The following RERE variants were observed in gnomAD, a reference collection of about 807,000 sequenced individuals.
The protein encoded by RERE is arginine-glutamic acid dipeptide repeats.
In RERE, 40 loss-of-function variants were observed where a neutral mutation model predicts 146.1. The ratio of observed to expected loss-of-function variants is 0.27; its 90% CI spans 0.21 to 0.36. RERE has a LOEUF of 0.36. RERE is among the 10% of genes least tolerant of loss of function. RERE has a pLI of 1.00. For missense variants in RERE, 1,933 were observed against 2,138.7 expected (o/e 0.90, Z 1.90); for synonymous variants, 1,003 against 866.0 (o/e 1.16, Z -2.78).
chr1:8,567,344 A>G (rs1646165420), intron 4 of RERE, among the ~76,000 whole-genome samples: 1 of 152,230 alleles, frequency 6.6e-6, no homozygotes, highest in South Asian at 2.1e-4. Context: ...AATGGTAGGA[A>G]GGCAGATGAC....
intron 4 of RERE, among the ~76,000 whole-genome samples, chr1:8,595,692 T>C (rs1222693845): frequency 6.6e-6 from 1 of 152,170 alleles, no homozygotes; most frequent in Admixed American, 6.5e-5. Flanking sequence ...TAAAGATCAT[T>C]AGTAAAAATG....
intron 1 of RERE, among the ~76,000 whole-genome samples, chr1:8,797,127 A>G (rs1641491026): frequency 6.6e-6 from 1 of 152,146 alleles, no homozygotes; most frequent in Non-Finnish European, 1.5e-5. Flanking sequence ...TCATCCCAGC[A>G]CTTTGGGAGC....
chr1:8,491,966 G>A (rs1041159074), intron 10 of RERE, among the ~76,000 whole-genome samples: 3 of 151,892 alleles, frequency 2.0e-5, no homozygotes, highest in Admixed American at 1.3e-4. Context: ...ATTACTCTAG[G>A]GAAGTAAAAA....
chr1:8,664,053 T>C (rs1288456115), intron 1 of RERE, among the ~76,000 whole-genome samples: 1 of 152,146 alleles, frequency 6.6e-6, no homozygotes, highest in Non-Finnish European at 1.5e-5. Flanking sequence ...AGTTGTTAAC[T>C]TACATCACTT....
intron 1 of RERE, among the ~76,000 whole-genome samples, chr1:8,755,496 T>G (rs1640623253): frequency 6.6e-6 from 1 of 152,162 alleles, no homozygotes; most frequent in Admixed American, 6.5e-5. Flanking sequence ...CCACGAAAAT[T>G]TGTATACAAA....
intron 9 of RERE, among the ~76,000 whole-genome samples, chr1:8,496,092 G>A (rs1346730969): frequency 6.7e-6 from 1 of 150,100 alleles, no homozygotes; most frequent in African/African-American, 2.5e-5. Context: ...GAGCCCAGGA[G>A]GTTAAGGCTG....
At chr1:8,613,796 G>A (rs775687573) in intron 4 of RERE, among the ~76,000 whole-genome samples, 1 of 151,868 alleles carries the variant, frequency 6.6e-6, no homozygotes, top group South Asian at 2.1e-4. Context: ...ATAAATACTC[G>A]ACTTTCAGAA....
At position 8,423,484 on chromosome 1, in the gene RERE, G is replaced by A. The variant is rs1344744461; in HGVS notation, c.1204-677C>T. 3 of 947,846 alleles carry A rather than the reference G, an allele frequency of 3.2e-6. No homozygotes were observed. Among genetic ancestry groups the A allele is most frequent in the Admixed American group, 6.2e-5 (1 of 16,214 alleles). The allele number at this position is 947,846 out of a possible 1,614,324, so 58.7% of individuals were successfully genotyped here. ...GACTCGTCCCTAACCCCAGCCCGGAGACTTTCACTTTGTCCCATGCCTCCC... is the reference window on the plus strand; with the variant it reads ...GACTCGTCCCTAACCCCAGCCCGGAAACTTTCACTTTGTCCCATGCCTCCC... On this transcript the variant is annotated intron_variant, in intron 11 of 22. Coordinates refer to ENST00000400908, the MANE Select transcript of RERE (RefSeq NM_001042681.2). This position sits in a 1 kb window ranked among gnomAD's most constrained non-coding sequence, Gnocchi z 5.4.
In RERE at chr1:8,423,018, C is replaced by T. The variant is rs559515839; in HGVS notation, c.1204-211G>A. ...ACCTTCATCAGAACCCCAATCCCACCCACCACGCAGGGCAGCGCGTTTAAG... is the reference window on the plus strand; with the variant it reads ...ACCTTCATCAGAACCCCAATCCCACTCACCACGCAGGGCAGCGCGTTTAAG... On this transcript the variant is annotated intron_variant, in intron 11 of 22. Transcript: ENST00000400908. The surrounding 1 kb of genome is among the most constrained non-coding windows in gnomAD (Gnocchi z 5.4). The T allele has an allele frequency of 5.6e-6, 3 of 538,556 alleles. No homozygotes were observed. Among genetic ancestry groups the T allele is most frequent in the Non-Finnish European group, 1.0e-5 (3 of 297,088 alleles). The allele number at this position is 538,556 out of a possible 1,614,324, so 33.4% of individuals were successfully genotyped here.
chr1:8,752,300 T>C (rs1640553432), intron 1 of RERE, among the ~76,000 whole-genome samples: 1 of 152,182 alleles, frequency 6.6e-6, no homozygotes. Context: ...AAAGAAACAC[T>C]TCCTTTGCAG....
chr1:8,628,787 T>C (rs1386927851), intron 2 of RERE, among the ~76,000 whole-genome samples: 1 of 152,216 alleles, frequency 6.6e-6, no homozygotes, highest in Non-Finnish European at 1.5e-5. Context: ...ATATGCCCAG[T>C]AATCTTTTAA....
At chr1:8,672,425 A>G (rs1638739172) in intron 1 of RERE, among the ~76,000 whole-genome samples, 1 of 152,182 alleles carries the variant, frequency 6.6e-6, no homozygotes, top group Non-Finnish European at 1.5e-5. Flanking sequence ...TCCTCACACC[A>G]TGGCCTCCCA....
chr1:8,489,793 G>A (rs1570325058), intron 10 of RERE, among the ~76,000 whole-genome samples: 1 of 152,194 alleles, frequency 6.6e-6, no homozygotes, highest in South Asian at 2.1e-4. Flanking sequence ...GCTCACGCCT[G>A]TAATCTCAGC....
intron 8 of RERE, among the ~76,000 whole-genome samples, chr1:8,497,843 A>AACAAAAAAATAAAATAGC (rs1645065907): frequency 6.6e-6 from 1 of 152,222 alleles, no homozygotes; most frequent in Non-Finnish European, 1.5e-5. Context: ...AAACAAAATA[A>AACAAAAAAATAAAATAGC]TGTCTTTAGA....
At chr1:8,560,802 G>A (rs1181824508) in intron 4 of RERE, among the ~76,000 whole-genome samples, 2 of 152,116 alleles carry the variant, frequency 1.3e-5, no homozygotes, top group Non-Finnish European at 2.9e-5. Flanking sequence ...TTCCTACAAG[G>A]GATGATAGTG....
chr1:8,787,066 C>A (rs1641272097), intron 1 of RERE, among the ~76,000 whole-genome samples: 1 of 152,214 alleles, frequency 6.6e-6, no homozygotes, highest in Admixed American at 6.5e-5. Flanking sequence ...GGAATGAAAG[C>A]CAGAGGTCTT....
At chr1:8,558,431 T>C (rs910734812) in intron 4 of RERE, among the ~76,000 whole-genome samples, 2 of 152,186 alleles carry the variant, frequency 1.3e-5, no homozygotes, top group African/African-American at 4.8e-5. Context: ...TTCCAACCCA[T>C]GTGCGGCCTT....
At chr1:8,363,747 C>T (rs1321346351) in intron 15 of RERE, 4 of 412,214 alleles carry the variant, frequency 9.7e-6, no homozygotes, top group Non-Finnish European at 1.8e-5. Context: ...AGATTTGATA[C>T]AATGGAAGTG....
intron 7 of RERE, among the ~76,000 whole-genome samples, chr1:8,540,831 T>C (rs969406223): frequency 6.6e-6 from 1 of 152,154 alleles, no homozygotes; most frequent in Non-Finnish European, 1.5e-5. Context: ...CTTTCCAAAA[T>C]TACTTAGTCT....
Sources: allele counts gnomAD v4.1 joint callset (sites outside exome capture counted in the v4.1 genomes callset), GRCh38; gene constraint gnomAD v4.1.1; non-coding constraint Gnocchi (gnomAD v3.1); transcripts MANE v1.5; gene names NCBI Gene and HGNC (gene_info 2026-07-23, HGNC 2026-07-21).